GPC6: variants seen among roughly 807,000 people sequenced by gnomAD.
GPC6 encodes the protein glypican 6.
Under a neutral mutation model 55.2 loss-of-function variants are expected in GPC6, and 14 were observed. That is an observed-to-expected ratio of 0.25 (90% confidence interval 0.17 to 0.40). GPC6 has a LOEUF of 0.40. Among genes scored for constraint, GPC6 ranks in the 10% least tolerant of loss-of-function variants. GPC6 has a pLI of 1.00. For missense variants in GPC6, 641 were observed against 708.5 expected (o/e 0.90, Z 1.08); for synonymous variants, 278 against 259.6 (o/e 1.07, Z -0.68).
intron 3 of GPC6, among the ~76,000 whole-genome samples, chr13:94,016,206 A>G (rs986582948): frequency 1.3e-5 from 2 of 152,200 alleles, no homozygotes; most frequent in Non-Finnish European, 2.9e-5. Context: ...GATGTAGCAT[A>G]TGATAGGATT....
chr13:93,230,759 G>T (rs1003908584), intron 1 of GPC6, among the ~76,000 whole-genome samples: 1 of 152,068 alleles, frequency 6.6e-6, no homozygotes, highest in Non-Finnish European at 1.5e-5. Flanking sequence ...TATGACCTAA[G>T]TTTCCAATCC....
chr13:93,260,636 C>T (rs942962474), intron 1 of GPC6, among the ~76,000 whole-genome samples: 3 of 151,892 alleles, frequency 2.0e-5, no homozygotes, highest in Non-Finnish European at 4.4e-5. Flanking sequence ...GACACACTGC[C>T]GAAGCATTAT....
intron 1 of GPC6, among the ~76,000 whole-genome samples, chr13:93,341,098 T>C (rs1221975878): frequency 6.6e-6 from 1 of 152,218 alleles, no homozygotes; most frequent in Non-Finnish European, 1.5e-5. Flanking sequence ...TTCGTTTTTA[T>C]AGCTGAGCAG....
chr13:93,620,915 C>T (rs1275191892), intron 2 of GPC6, among the ~76,000 whole-genome samples: 1 of 152,116 alleles, frequency 6.6e-6, no homozygotes, highest in African/African-American at 2.4e-5. Context: ...TATTGTTTTT[C>T]ATCTCATTGG....
At chr13:93,432,028 A>G (rs1877378953) in intron 1 of GPC6, among the ~76,000 whole-genome samples, 1 of 152,164 alleles carries the variant, frequency 6.6e-6, no homozygotes, top group Non-Finnish European at 1.5e-5. Context: ...CTTAAAAGCT[A>G]TAATCTACAT....
At chr13:93,558,325 C>T (rs141418946) in intron 2 of GPC6, among the ~76,000 whole-genome samples, 2 of 152,224 alleles carry the variant, frequency 1.3e-5, no homozygotes, top group East Asian at 1.9e-4. Flanking sequence ...CCCTGACAGT[C>T]CTATAGAGCC....
rs554430994 is a variant in GPC6, at chr13:93,497,065, G to T, written c.161-48198G>T. 6.6e-5 allele frequency among the ~76,000 whole-genome samples: 10 copies of T among 152,306 alleles called. No individual in the cohort carries two copies. The South Asian group carries it at 2.1e-3, about 32-fold the overall frequency. On this transcript the variant is annotated intron_variant, in intron 1 of 8. Coordinates refer to ENST00000377047, the MANE Select transcript of GPC6 (RefSeq NM_005708.5). ...CAATGGCTTGTGAGATGATGACACTGATGCCCTCGTGCTGCTGCAGCCTGA... is the reference window on the plus strand; with the variant it reads ...CAATGGCTTGTGAGATGATGACACTTATGCCCTCGTGCTGCTGCAGCCTGA...
intron 2 of GPC6, among the ~76,000 whole-genome samples, chr13:93,648,909 A>G (rs893660929): frequency 2.0e-5 from 3 of 152,180 alleles, no homozygotes; most frequent in African/African-American, 7.2e-5. Flanking sequence ...GGTGTAGTAC[A>G]TTAAGGCTTG....
intron 1 of GPC6, among the ~76,000 whole-genome samples, chr13:93,381,459 C>A (rs1431896825): frequency 2.6e-5 from 4 of 152,116 alleles, no homozygotes; most frequent in African/African-American, 4.8e-5. Flanking sequence ...ATTAATTCTT[C>A]AAACTAATTT....
chr13:94,316,673 C>T (rs1325016712), intron 6 of GPC6, among the ~76,000 whole-genome samples: 3 of 149,718 alleles, frequency 2.0e-5, no homozygotes, highest in Admixed American at 1.3e-4. Context: ...GCCGAGATCC[C>T]GCCACTGCAC....
At chr13:93,736,645 G>T (rs1357178345) in intron 2 of GPC6, among the ~76,000 whole-genome samples, 1 of 152,076 alleles carries the variant, frequency 6.6e-6, no homozygotes. Context: ...AATGTCTGAT[G>T]CTTAAATAAA....
chr13:94,334,960 A>C (rs1453267222), intron 6 of GPC6, among the ~76,000 whole-genome samples: 11 of 152,198 alleles, frequency 7.2e-5, no homozygotes, highest in Non-Finnish European at 1.0e-4. Context: ...AAACTATTAG[A>C]CACCATGCAA....
At chr13:94,260,712 G>C (rs1351679537) in intron 4 of GPC6, among the ~76,000 whole-genome samples, 3 of 152,100 alleles carry the variant, frequency 2.0e-5, no homozygotes, top group African/African-American at 7.2e-5. Flanking sequence ...CATAGGGCCT[G>C]GTGACTACTG....
At chr13:93,931,436 CA>C (rs11334620) in intron 3 of GPC6, among the ~76,000 whole-genome samples, 61,398 of 121,500 alleles carry the variant, frequency 0.51, 14,515 homozygotes, top group African/African-American at 0.58. Flanking sequence ...CATACACAGG[CA>C]AAAAAAAAAA....
intron 4 of GPC6, among the ~76,000 whole-genome samples, chr13:94,061,774 G>A (rs1009735882): frequency 2.0e-5 from 3 of 151,124 alleles, no homozygotes; most frequent in South Asian, 4.2e-4. Context: ...GACATCCATC[G>A]GGGAGAGTCA....
intron 1 of GPC6, among the ~76,000 whole-genome samples, chr13:93,540,736 C>T (rs1882259649): frequency 2.0e-5 from 3 of 152,136 alleles, no homozygotes; most frequent in Non-Finnish European, 2.9e-5. Context: ...AATATATTAT[C>T]GTTAACTATA....
chr13:93,920,007 C>T (rs1479336379), intron 3 of GPC6, among the ~76,000 whole-genome samples: 1 of 152,132 alleles, frequency 6.6e-6, no homozygotes, highest in Non-Finnish European at 1.5e-5. Flanking sequence ...TCTCTCTCTA[C>T]AGATTTTACA....
intron 1 of GPC6, among the ~76,000 whole-genome samples, chr13:93,542,333 T>A (rs909205521): frequency 2.6e-5 from 4 of 152,310 alleles, no homozygotes; most frequent in African/African-American, 9.6e-5. Context: ...CAGATAGTTG[T>A]AGATATGCGG....
chr13:94,348,248 T>G (rs1346112892), intron 6 of GPC6, among the ~76,000 whole-genome samples: 1 of 152,228 alleles, frequency 6.6e-6, no homozygotes, highest in South Asian at 2.1e-4. Flanking sequence ...AATGTCACAG[T>G]ATATGGCATT....
Sources: gnomAD v4.1 joint callset for allele counts (sites outside exome capture counted in the v4.1 genomes callset) on GRCh38, gnomAD v4.1.1 for gene constraint, MANE v1.5 for transcripts, NCBI Gene and HGNC (gene_info 2026-07-23, HGNC 2026-07-21) for gene names.